GRIN2B: variants seen among roughly 807,000 people sequenced by gnomAD.
GRIN2B encodes glutamate receptor ionotropic, NMDA 2B.
Under a neutral mutation model 114.5 loss-of-function variants are expected in GRIN2B, and 5 were observed. That is an observed-to-expected ratio of 0.04 (90% CI 0.02 to 0.09). The LOEUF is 0.09. Among genes scored for constraint, GRIN2B ranks in the 10% least tolerant of loss-of-function variants. The probability of loss-of-function intolerance (pLI) is 1.00; values close to 1 mark genes in which losing one functional copy is unlikely to be tolerated. For missense variants in GRIN2B, 1,108 were observed against 1,943.5 expected (o/e 0.57, Z 8.08); for synonymous variants, 787 against 745.1 (o/e 1.06, Z -0.92).
chr12:13,639,396 A>G (rs1338473154), intron 5 of GRIN2B, among the ~76,000 whole-genome samples: 1 of 152,180 alleles, frequency 6.6e-6, no homozygotes, highest in Admixed American at 6.6e-5. Context: ...CTAATGCCAG[A>G]TAAATCCTGC....
In GRIN2B at chr12:13,549,176, T is replaced by C. The variant is rs1230840933; in HGVS notation, c.*13607A>G. 6.6e-6 allele frequency: 1 copy of C among 151,980 alleles called. No individual in the cohort carries two copies. Among genetic ancestry groups the C allele is most frequent in the Non-Finnish European group, 1.5e-5 (1 of 67,986 alleles). 9.4% of individuals were successfully genotyped at this position (151,980 alleles called of 1,614,324 possible). On this transcript the variant is annotated 3_prime_UTR_variant, in exon 14 of 14. Transcript: ENST00000609686. ...TTGATATCATTCATAAGTGAACAGG[T>C]GGGTTGTAAGAGAAGGTTGTTGCAA... is the stretch of plus-strand genomic sequence containing the variant.
chr12:13,922,796 T>A (rs1370711299), intron 2 of GRIN2B, among the ~76,000 whole-genome samples: 1 of 152,174 alleles, frequency 6.6e-6, no homozygotes, highest in Non-Finnish European at 1.5e-5. Flanking sequence ...CAACGCCTCC[T>A]CCAGTGGATA....
Position 13,705,851 on chromosome 12 carries a change from C to T in GRIN2B, c.1011-29992G>A, listed in dbSNP as rs145257349. Among the ~76,000 whole-genome samples, 866 of 152,208 alleles carry T rather than the reference C, an allele frequency of 5.7e-3. 9 individuals are homozygous for T. Among genetic ancestry groups the T allele is most frequent in the Admixed American group, 0.01 (157 of 15,268 alleles). ...AACTGCAATTGTTTAGTCTAGACAG[C>T]AGGCGCAGAAAGGTGACGAGAGTTT... On this transcript the variant is annotated intron_variant, in intron 4 of 13. Transcript: ENST00000609686.
intron 5 of GRIN2B, chr12:13,634,073 A>T (rs1949642657): frequency 6.6e-6 from 1 of 152,206 alleles, no homozygotes; most frequent in Non-Finnish European, 1.5e-5. Context: ...TTCAAAGCAA[A>T]ATGAAAAACC....
intron 4 of GRIN2B, among the ~76,000 whole-genome samples, chr12:13,720,095 C>T (rs910892419): frequency 2.6e-5 from 4 of 151,928 alleles, no homozygotes; most frequent in African/African-American, 9.7e-5. Flanking sequence ...AGTCTCAGTT[C>T]CCTGGGCTAA....
intron 3 of GRIN2B, among the ~76,000 whole-genome samples, chr12:13,830,729 A>C (rs565477541): frequency 6.6e-6 from 1 of 152,356 alleles, no homozygotes; most frequent in South Asian, 2.1e-4. Context: ...AGCCCTGTTA[A>C]AGCAGGCTTA....
chr12:13,786,353 T>G (rs529359489), intron 3 of GRIN2B, among the ~76,000 whole-genome samples: 1 of 152,204 alleles, frequency 6.6e-6, no homozygotes, highest in Non-Finnish European at 1.5e-5. Context: ...AAATGTCCTA[T>G]ATACCCAATT....
At chr12:13,849,215 G>A (rs1019678293) in intron 3 of GRIN2B, among the ~76,000 whole-genome samples, 7 of 151,802 alleles carry the variant, frequency 4.6e-5, no homozygotes, top group Admixed American at 6.6e-5. Flanking sequence ...GACTCTGGCC[G>A]CTGCTCTCTT....
chr12:13,745,307 G>A (rs915729361), intron 4 of GRIN2B, among the ~76,000 whole-genome samples: 3 of 152,106 alleles, frequency 2.0e-5, no homozygotes, highest in Admixed American at 6.5e-5. Context: ...GGTGGGAAGA[G>A]AGAGCAGATG....
At chr12:13,956,410 T>G (rs1299610429) in intron 2 of GRIN2B, among the ~76,000 whole-genome samples, 2 of 152,224 alleles carry the variant, frequency 1.3e-5, no homozygotes, top group Non-Finnish European at 2.9e-5. Context: ...ATTTGAGTTA[T>G]GTTCTTAAAA....
intron 3 of GRIN2B, among the ~76,000 whole-genome samples, chr12:13,775,433 G>C (rs1046083786): frequency 6.6e-6 from 1 of 152,098 alleles, no homozygotes; most frequent in Non-Finnish European, 1.5e-5. Flanking sequence ...CTGCCTCTCC[G>C]GGTAAATGAG....
intron 2 of GRIN2B, among the ~76,000 whole-genome samples, chr12:13,958,074 G>A (rs2136857643): frequency 6.6e-6 from 1 of 152,244 alleles, no homozygotes; most frequent in Admixed American, 6.5e-5. Flanking sequence ...AGTTTTATTG[G>A]ACAGCGCTGG....
At chr12:13,781,735 G>C (rs1864118507) in intron 3 of GRIN2B, among the ~76,000 whole-genome samples, 1 of 152,116 alleles carries the variant, frequency 6.6e-6, no homozygotes, top group Non-Finnish European at 1.5e-5. Context: ...TTTTGTCTCA[G>C]TATAAGGAAA....
intron 10 of GRIN2B, among the ~76,000 whole-genome samples, chr12:13,596,895 T>C (rs1001063590): frequency 6.6e-6 from 1 of 152,160 alleles, no homozygotes; most frequent in African/African-American, 2.4e-5. Context: ...CCAGAGAAGG[T>C]CCCCAGGACA....
At position 13,912,501 on chromosome 12, in the gene GRIN2B, T is replaced by C. The variant is rs1453725970; in HGVS notation, c.-18-46275A>G. Reference sequence around the variant, plus strand: ...AAACCGCCATTAGGGTTTCAGGGAGTATGGCCGGTCTAAGAGAGCAATGGG... The same window carrying C: ...AAACCGCCATTAGGGTTTCAGGGAGCATGGCCGGTCTAAGAGAGCAATGGG... On this transcript the variant is annotated intron_variant, in intron 2 of 13. Coordinates refer to ENST00000609686, the MANE Select transcript of GRIN2B (RefSeq NM_000834.5). 2.6e-5 allele frequency among the ~76,000 whole-genome samples: 4 copies of C among 152,048 alleles called. No individual in the cohort carries two copies. In the East Asian group the frequency reaches 7.7e-4, roughly 29 times the overall value.
At chr12:13,598,522 AG>A (rs1236536197) in intron 10 of GRIN2B, among the ~76,000 whole-genome samples, 2 of 152,100 alleles carry the variant, frequency 1.3e-5, no homozygotes, top group African/African-American at 4.8e-5. Context: ...TTCTAACTGC[AG>A]GGGGTGGATA....
intron 4 of GRIN2B, among the ~76,000 whole-genome samples, chr12:13,703,482 T>G (rs1015852159): frequency 1.3e-5 from 2 of 152,212 alleles, no homozygotes; most frequent in African/African-American, 4.8e-5. Context: ...CTTTCCCAGA[T>G]GAAAACATCT....
At chr12:13,641,336 G>A (rs1949713544) in intron 5 of GRIN2B, among the ~76,000 whole-genome samples, 1 of 152,068 alleles carries the variant, frequency 6.6e-6, no homozygotes, top group Non-Finnish European at 1.5e-5. Flanking sequence ...GCCTCCCACA[G>A]TGCTGGGATT....
Position 13,685,879 on chromosome 12 carries a change from A to C in GRIN2B, c.1011-10020T>G, listed in dbSNP as rs568932846. On this transcript the variant is annotated intron_variant, in intron 4 of 13. Coordinates refer to ENST00000609686, the MANE Select transcript of GRIN2B (RefSeq NM_000834.5). The stretch of plus-strand genomic sequence containing the variant: ...TTTGTTAACGTGGTTCCTGTAGCAC[A>C]TTCTGGAGAACAGCTTTCTGGGCTA... Among the ~76,000 whole-genome samples the C allele has an allele frequency of 2.0e-5, 3 of 152,288 alleles. No homozygotes were observed. In the South Asian group the frequency reaches 6.2e-4, roughly 32 times the overall value.
Sources: gnomAD v4.1 joint callset for allele counts (sites outside exome capture counted in the v4.1 genomes callset) on GRCh38, gnomAD v4.1.1 for gene constraint, MANE v1.5 for transcripts, NCBI Gene and HGNC (gene_info 2026-07-23, HGNC 2026-07-21) for gene names.